CACNA2D1: variants seen among roughly 807,000 people sequenced by gnomAD.
CACNA2D1 encodes the protein calcium voltage-gated channel auxiliary subunit alpha2delta 1.
In CACNA2D1, 53 loss-of-function variants were observed where a neutral mutation model predicts 171.5. That is an observed-to-expected ratio of 0.31 (90% confidence interval 0.25 to 0.39). The LOEUF (loss-of-function observed/expected upper bound fraction) is 0.39, where lower values mean the gene tolerates loss of function less well. CACNA2D1 is among the 10% of genes least tolerant of loss of function. The probability of loss-of-function intolerance (pLI) is 1.00; values close to 1 mark genes in which losing one functional copy is unlikely to be tolerated. For synonymous variants in CACNA2D1, 442 were observed against 443.1 expected (o/e 1.00, Z 0.03); for missense variants, 903 against 1,299.8 (o/e 0.69, Z 4.69).
intron 5 of CACNA2D1, among the ~76,000 whole-genome samples, chr7:82,117,684 G>A (rs1205456435): frequency 6.6e-6 from 1 of 152,080 alleles, no homozygotes; most frequent in Non-Finnish European, 1.5e-5. Context: ...GGAGGCTTTA[G>A]GTCAAAAGAT....
At chr7:82,063,924 A>T (rs1466605132) in intron 9 of CACNA2D1, among the ~76,000 whole-genome samples, 1 of 151,826 alleles carries the variant, frequency 6.6e-6, no homozygotes, top group Non-Finnish European at 1.5e-5. Context: ...AGCGGCAGGA[A>T]CATGGTTCAC....
At chr7:82,019,392 C>T (rs983336816) in intron 12 of CACNA2D1, among the ~76,000 whole-genome samples, 19 of 152,084 alleles carry the variant, frequency 1.2e-4, no homozygotes, top group Non-Finnish European at 2.4e-4. Flanking sequence ...CATAATTTTA[C>T]TTTTAGTTGT....
At chr7:82,389,638 A>T (rs1476273973) in intron 1 of CACNA2D1, among the ~76,000 whole-genome samples, 1 of 152,182 alleles carries the variant, frequency 6.6e-6, no homozygotes, top group East Asian at 1.9e-4. Flanking sequence ...TCGATGCCTC[A>T]TTCTTACTTG....
At chr7:81,972,301 C>A (rs1431362311) in intron 25 of CACNA2D1, among the ~76,000 whole-genome samples, 1 of 151,374 alleles carries the variant, frequency 6.6e-6, no homozygotes, top group African/African-American at 2.4e-5. Context: ...CTGAAATTAT[C>A]AAGTAAAAAC....
At chr7:82,036,962 C>T (rs1471149797) in intron 11 of CACNA2D1, among the ~76,000 whole-genome samples, 3 of 152,118 alleles carry the variant, frequency 2.0e-5, no homozygotes, top group African/African-American at 4.8e-5. Context: ...TGCCAGGTTC[C>T]GTGGACAATC....
chr7:82,249,214 C>T (rs146524642), intron 3 of CACNA2D1, among the ~76,000 whole-genome samples: 9 of 151,906 alleles, frequency 5.9e-5, no homozygotes, highest in African/African-American at 9.7e-5. Flanking sequence ...TAGATGTAAC[C>T]GGGGTAAAAG....
At chr7:82,004,108 G>T (rs1450601021) in intron 18 of CACNA2D1, among the ~76,000 whole-genome samples, 1 of 151,868 alleles carries the variant, frequency 6.6e-6, no homozygotes, top group Non-Finnish European at 1.5e-5. Flanking sequence ...AAATACACTG[G>T]ATATACAAAG....
chr7:82,379,421 A>G (rs1267083464), intron 1 of CACNA2D1, among the ~76,000 whole-genome samples: 5 of 152,226 alleles, frequency 3.3e-5, no homozygotes, highest in African/African-American at 4.8e-5. Context: ...AAAATTTGAG[A>G]AATATTTTAA....
intron 3 of CACNA2D1, among the ~76,000 whole-genome samples, chr7:82,208,820 G>A (rs188557459): frequency 1.3e-5 from 2 of 152,212 alleles, no homozygotes; most frequent in East Asian, 1.9e-4. Flanking sequence ...AAACTGCTAA[G>A]AGAGTACATT....
chr7:82,171,189 G>A (rs962878875), intron 3 of CACNA2D1, among the ~76,000 whole-genome samples: 1 of 152,040 alleles, frequency 6.6e-6, no homozygotes, highest in African/African-American at 2.4e-5. Context: ...CTTCAATCGT[G>A]TATGCTAAAG....
At chr7:82,166,622 G>T (rs1303693222) in intron 4 of CACNA2D1, among the ~76,000 whole-genome samples, 1 of 152,066 alleles carries the variant, frequency 6.6e-6, no homozygotes, top group Admixed American at 6.6e-5. Flanking sequence ...AGAACAATTA[G>T]CTTTCCAAGC....
intron 19 of CACNA2D1, among the ~76,000 whole-genome samples, chr7:81,996,688 A>T (rs992166592): frequency 4.0e-5 from 6 of 150,938 alleles, no homozygotes; most frequent in African/African-American, 7.3e-5. Context: ...TTAATATAAT[A>T]CTCTCATTAT....
chr7:82,126,547 T>A (rs926394623), intron 5 of CACNA2D1, among the ~76,000 whole-genome samples: 2 of 152,202 alleles, frequency 1.3e-5, no homozygotes, highest in Non-Finnish European at 2.9e-5. Context: ...AATAAGAAAG[T>A]GAAATCCGCC....
At chr7:82,355,991 T>C (rs1001725964) in intron 1 of CACNA2D1, among the ~76,000 whole-genome samples, 6 of 152,072 alleles carry the variant, frequency 3.9e-5, no homozygotes, top group Non-Finnish European at 7.4e-5. Context: ...CCCTTCTCGT[T>C]GTTGGAAAAT....
chr7:82,349,423 C>A (rs186843849), intron 2 of CACNA2D1, 145 bp downstream of exon 2: 4 of 757,588 alleles, frequency 5.3e-6, no homozygotes, highest in Non-Finnish European at 9.5e-6. Flanking sequence ...CTAGCAGTAC[C>A]AATGGTTTCT....
intron 1 of CACNA2D1, among the ~76,000 whole-genome samples, chr7:82,358,706 A>T (rs1301642102): frequency 2.0e-5 from 3 of 151,050 alleles, no homozygotes; most frequent in Admixed American, 2.0e-4. Context: ...GTGTGCGTGC[A>T]TCTGTGTGAG....
rs1268971839 is a variant in CACNA2D1 at position 81,968,965 on chromosome 7, G to A, written c.2317C>T (p.Pro773Ser). ...ATAATGCCCGATTCATAGGCACCAG[G>A]TCCACTTTCTAAAAAAAAAATAAAT... The part of the protein sequence containing the change: ...FTAPYFNKSG[P>S]GAYESGIMVS... Residue 773 changes from proline to serine, a missense_variant, in exon 29 of 39, where the codon CCT becomes TCT. By Grantham distance (74) the Pro-to-Ser change is moderately conservative (BLOSUM62 -1). Coordinates refer to ENST00000356860, the MANE Select transcript of CACNA2D1 (RefSeq NM_000722.4). 7 of 1,565,378 alleles carry A rather than the reference G, an allele frequency of 4.5e-6. No individual in the cohort carries two copies. Among genetic ancestry groups the A allele is most frequent in the Non-Finnish European group, 6.1e-6 (7 of 1,139,622 alleles).
chr7:82,107,073 T>C (rs554276983), intron 6 of CACNA2D1, among the ~76,000 whole-genome samples: 30 of 152,300 alleles, frequency 2.0e-4, no homozygotes, highest in South Asian at 1.9e-3. Flanking sequence ...TAATGAAATA[T>C]AGTACAAGAG....
At chr7:82,061,720 G>C (rs1451779219) in intron 9 of CACNA2D1, among the ~76,000 whole-genome samples, 1 of 152,250 alleles carries the variant, frequency 6.6e-6, no homozygotes, top group Admixed American at 6.5e-5. Context: ...TCAAAGGCTC[G>C]GAGGGAGATT....
Sources: gnomAD v4.1 joint callset for allele counts (sites outside exome capture counted in the v4.1 genomes callset) on GRCh38, gnomAD v4.1.1 for gene constraint, MANE v1.5 for transcripts, NCBI Gene and HGNC (gene_info 2026-07-23, HGNC 2026-07-21) for gene names.